KIF4A: variants seen among roughly 807,000 people sequenced by gnomAD.
KIF4A encodes the protein kinesin family member 4A, also known as chromosome-associated kinesin KIF4A.
In KIF4A, 7 loss-of-function variants were observed where a neutral mutation model predicts 105.9. That is an observed-to-expected ratio of 0.07 (90% confidence interval 0.04 to 0.12). The LOEUF (loss-of-function observed/expected upper bound fraction) is 0.12. Ranked by LOEUF, KIF4A falls within the 10% of genes least tolerant of loss-of-function variation. The pLI is 1.00. For synonymous variants in KIF4A, 281 were observed against 331.3 expected, an observed-to-expected ratio of 0.85 and a Z score of 1.65; for missense variants, 558 against 929.2, an observed-to-expected ratio of 0.60 and a Z score of 5.19.
intron 7 of KIF4A, among the ~76,000 whole-genome samples, chrX:70,318,684 CT>C (rs1366711415): frequency 8.9e-6 from 1 of 111,843 alleles, no homozygotes; most frequent in African/African-American, 3.2e-5. Context: ...TGGAGTGATA[CT>C]TTATTATGGT....
intron 18 of KIF4A, among the ~76,000 whole-genome samples, chrX:70,384,999 C>T (rs1053528783): frequency 9.1e-6 from 1 of 109,459 alleles, no homozygotes; most frequent in African/African-American, 3.3e-5. Context: ...GACAGAGTTT[C>T]GCCATGTTGG....
At chrX:70,379,362 G>A (rs1230748021) in intron 18 of KIF4A, among the ~76,000 whole-genome samples, 1 of 111,287 alleles carries the variant, frequency 9.0e-6, no homozygotes, top group Non-Finnish European at 1.9e-5. Context: ...TACCAAAACT[G>A]ACTCAAGAAG....
chrX:70,415,676 T>C (rs1359773445), intron 28 of KIF4A, among the ~76,000 whole-genome samples: 7 of 106,675 alleles, frequency 6.6e-5, no homozygotes, highest in Admixed American at 5.1e-4. Context: ...TTCAGGAGAC[T>C]GTTTATCCCT....
intron 10 of KIF4A, among the ~76,000 whole-genome samples, chrX:70,341,431 A>G (rs1283644846): frequency 9.0e-6 from 1 of 111,370 alleles, no homozygotes; most frequent in Non-Finnish European, 1.9e-5. Context: ...GTGGGAAGAA[A>G]AGGGACAGAA....
chrX:70,299,655 T>C (rs1380423706), intron 5 of KIF4A, among the ~76,000 whole-genome samples: 1 of 111,971 alleles, frequency 8.9e-6, no homozygotes, highest in African/African-American at 3.2e-5. Flanking sequence ...AACATATCCA[T>C]GTATTTTCTT....
rs1366342049 is a variant in KIF4A, at chrX:70,365,525, G to C, written c.1675-8626G>C. 2.7e-5 allele frequency among the ~76,000 whole-genome samples: 3 copies of C among 112,042 alleles called. 1 individual carries two copies. The highest frequency in any genetic ancestry group is 9.7e-5 in the African/African-American group (3 of 30,881). On this transcript the variant is annotated intron_variant, in intron 15 of 30. Transcript: ENST00000374403. ...TCATGTGGTTTTTGTCATTGGTTCT[G>C]TTTATATGCTGGATTACGTTTATTG...
At chrX:70,386,900 A>G (rs1301366012) in intron 19 of KIF4A, among the ~76,000 whole-genome samples, 199 bp downstream of exon 19, 2 of 111,829 alleles carry the variant, frequency 1.8e-5, no homozygotes, top group East Asian at 5.6e-4. Flanking sequence ...CTGTTCAAAT[A>G]AGGATTTTTT....
chrX:70,322,524 G>A (rs1367942924), intron 7 of KIF4A, among the ~76,000 whole-genome samples: 2 of 107,913 alleles, frequency 1.9e-5, no homozygotes, highest in Non-Finnish European at 3.8e-5. Context: ...TGTTAGCCAG[G>A]ATGATCTCGA....
chrX:70,418,062 C>T (rs2086351697), intron 29 of KIF4A, 58 bp downstream of exon 29: 1 of 989,452 alleles, frequency 1.0e-6, no homozygotes, highest in Non-Finnish European at 1.4e-6. Context: ...AGTTTCCACC[C>T]TCTTTTTCTG....
intron 7 of KIF4A, among the ~76,000 whole-genome samples, chrX:70,305,885 A>G: frequency 8.9e-6 from 1 of 112,049 alleles, no homozygotes; most frequent in Non-Finnish European, 1.9e-5. Context: ...CCTGGGTGCC[A>G]TCAGATTTGC....
intron 23 of KIF4A, among the ~76,000 whole-genome samples, 198 bp from the exon 24 acceptor site, chrX:70,403,666 T>C (rs980998022): frequency 8.9e-6 from 1 of 112,493 alleles, no homozygotes; most frequent in African/African-American, 3.2e-5. Context: ...ATGTGGACTC[T>C]TGGCCTGGGA....
intron 3 of KIF4A, among the ~76,000 whole-genome samples, chrX:70,294,271 A>G (rs2085772198): frequency 8.9e-6 from 1 of 112,171 alleles, no homozygotes. Flanking sequence ...AATAACATCC[A>G]TAGAGCTGTC....
rs2086362988 is a variant in KIF4A at position 70,420,510 on chromosome X, TC to T, written c.*247del. The T allele has an allele frequency of 2.8e-6, 1 of 360,390 alleles. No homozygotes were observed. The highest frequency in any genetic ancestry group is 4.6e-5 in the East Asian group (1 of 21,535). 29.7% of individuals were successfully genotyped at this position (360,390 alleles called of 1,213,427 possible). ...TACTGAAGAGAGAACCAACTGACTT[TC>T]CTATTGACTCATCAGGAACCAGTCC... On this transcript the variant is annotated 3_prime_UTR_variant, in exon 31 of 31. Transcript: ENST00000374403.
intron 15 of KIF4A, among the ~76,000 whole-genome samples, chrX:70,368,484 G>A (rs2086115127): frequency 8.9e-6 from 1 of 112,414 alleles, no homozygotes; most frequent in South Asian, 3.7e-4. Context: ...ACCCTTAGCT[G>A]CAGGTATGTT....
chrX:70,361,143 C>T (rs992121875), intron 15 of KIF4A, among the ~76,000 whole-genome samples: 3 of 113,168 alleles, frequency 2.7e-5, no homozygotes, highest in African/African-American at 9.6e-5. Flanking sequence ...CTGCCTGCCC[C>T]GCTTCGAGCC....
chrX:70,404,527 GA>G (rs140487690), intron 24 of KIF4A, among the ~76,000 whole-genome samples, 187 bp from the exon 25 acceptor site: 8 of 105,123 alleles, frequency 7.6e-5, no homozygotes, highest in African/African-American at 2.1e-4. Context: ...GCAACAGAAA[GA>G]AAAAAAAAAA....
chrX:70,365,867 T>C (rs1434222450), intron 15 of KIF4A, among the ~76,000 whole-genome samples: 2 of 111,839 alleles, frequency 1.8e-5, no homozygotes, highest in Non-Finnish European at 3.8e-5. Context: ...TGAATCCATC[T>C]GGTCCTGGAC....
At chrX:70,406,126 G>A (rs964708431) in intron 26 of KIF4A, 133 bp from the exon 27 acceptor site, 4 of 546,539 alleles carry the variant, frequency 7.3e-6, no homozygotes, top group Admixed American at 3.4e-5. Context: ...GGGAGTCAAC[G>A]TACTCTACTA....
chrX:70,307,806 T>C (rs1237275696), intron 7 of KIF4A, among the ~76,000 whole-genome samples: 1 of 112,337 alleles, frequency 8.9e-6, no homozygotes, highest in Non-Finnish European at 1.9e-5. Context: ...TTAGTGACTT[T>C]CCTGGACTGA....
Sources: gnomAD v4.1 joint callset for allele counts (sites outside exome capture counted in the v4.1 genomes callset) on GRCh38, gnomAD v4.1.1 for gene constraint, MANE v1.5 for transcripts, NCBI Gene and HGNC (gene_info 2026-07-23, HGNC 2026-07-21) for gene names.